Variants in SLC17A1 observed in about 807,000 individuals in gnomAD.
SLC17A1 encodes the protein sodium-dependent phosphate transport protein 1.
SLC17A1 carries 51 observed loss-of-function variants against 53.5 expected under a neutral mutation model. That is an observed-to-expected ratio of 0.95 (90% CI 0.76 to 1.20). The LOEUF (loss-of-function observed/expected upper bound fraction) is 1.20. Ranked by LOEUF, SLC17A1 falls within the 50% of genes most tolerant of loss-of-function variation. SLC17A1 has a pLI of 0.00. For missense variants in SLC17A1, 538 were observed against 568.2 expected, an observed-to-expected ratio of 0.95 and a Z score of 0.54; for synonymous variants, 179 against 198.8, an observed-to-expected ratio of 0.90 and a Z score of 0.84.
chr6:25,761,052 T>C, the SLC17A1 span, among the ~76,000 whole-genome samples: 2 of 152,208 alleles, frequency 1.3e-5, no homozygotes, highest in African/African-American at 2.4e-5. Context: ...TTCTGTGTAA[T>C]CTGTTTTGAG....
intron 10 of SLC17A1, among the ~76,000 whole-genome samples, chr6:25,810,159 A>T (rs935511690): frequency 6.6e-6 from 1 of 152,074 alleles, no homozygotes; most frequent in Admixed American, 6.6e-5. Context: ...CTGTAAAACT[A>T]CTAGAAGAAA....
the SLC17A1 span, chr6:25,731,677 G>A: frequency 5.4e-6 from 4 of 744,052 alleles, no homozygotes; most frequent in Non-Finnish European, 8.1e-6. Flanking sequence ...TGGCAACGAG[G>A]CATACTCTAT....
chr6:25,818,028 G>T (rs1017829483), intron 6 of SLC17A1, among the ~76,000 whole-genome samples: 1 of 152,148 alleles, frequency 6.6e-6, no homozygotes, highest in Non-Finnish European at 1.5e-5. Flanking sequence ...GATGTCTTCT[G>T]TTTGTCCCCC....
At chr6:25,760,129 T>A in the SLC17A1 span, among the ~76,000 whole-genome samples, 1 of 152,254 alleles carries the variant, frequency 6.6e-6, no homozygotes, top group Non-Finnish European at 1.5e-5. Flanking sequence ...TTAAAATGTT[T>A]ATGAAAACTG....
the SLC17A1 span, among the ~76,000 whole-genome samples, chr6:25,756,911 T>G: frequency 9.8e-5 from 15 of 152,338 alleles, no homozygotes; most frequent in East Asian, 2.9e-3. Context: ...TCTTTAGTTC[T>G]TGTGACTGAT....
the SLC17A1 span, among the ~76,000 whole-genome samples, chr6:25,750,364 CAT>C: frequency 6.6e-6 from 1 of 152,004 alleles, no homozygotes; most frequent in Admixed American, 6.5e-5. Flanking sequence ...TAAAACAAGA[CAT>C]AATCTGAAAA....
At chr6:25,742,166 G>A in the SLC17A1 span, among the ~76,000 whole-genome samples, 2 of 152,134 alleles carry the variant, frequency 1.3e-5, no homozygotes, top group Non-Finnish European at 2.9e-5. Flanking sequence ...AGAATCATCC[G>A]GCACAGAGAC....
chr6:25,823,748 T>G lies in SLC17A1; in HGVS notation c.207+2713A>C, dbSNP rs779999738. Reference sequence around the variant, plus strand: ...CCCTGTCACTGGCTTGTTTTTTCATTATCTTAACAGTATTTTAAATTCTGA... The same window carrying G: ...CCCTGTCACTGGCTTGTTTTTTCATGATCTTAACAGTATTTTAAATTCTGA... On this transcript the variant is annotated intron_variant, in intron 3 of 12. Transcript: ENST00000244527. Among the ~76,000 whole-genome samples the G allele has an allele frequency of 7.2e-4, 109 of 152,048 alleles. 1 individual carries two copies. The highest frequency in any genetic ancestry group is 1.1e-3 in the Non-Finnish European group (77 of 67,900).
At chr6:25,770,562 C>A in the SLC17A1 span, 2 of 1,160,684 alleles carry the variant, frequency 1.7e-6, no homozygotes, top group Non-Finnish European at 1.3e-6. Context: ...ATATATCAAT[C>A]TCTGTGTCTT....
chr6:25,760,697 A>T, the SLC17A1 span, among the ~76,000 whole-genome samples: 4 of 152,200 alleles, frequency 2.6e-5, no homozygotes, highest in African/African-American at 9.6e-5. Flanking sequence ...TACAATTTAC[A>T]TAGCTCATTA....
At chr6:25,778,059 T>C, downstream of SLC17A1, 6 of 1,527,480 alleles carry the variant, frequency 3.9e-6, no homozygotes, top group East Asian at 4.5e-5. Flanking sequence ...AAGAAACCTA[T>C]AGAGGCATGG....
chr6:25,756,590 C>T, the SLC17A1 span, among the ~76,000 whole-genome samples: 1 of 152,208 alleles, frequency 6.6e-6, no homozygotes, highest in Non-Finnish European at 1.5e-5. Flanking sequence ...CACTGTCCTC[C>T]CTTCACCCTC....
chr6:25,797,800 A>T (rs1390616242), intron 12 of SLC17A1, among the ~76,000 whole-genome samples: 2 of 152,046 alleles, frequency 1.3e-5, no homozygotes, highest in African/African-American at 4.8e-5. Context: ...GGGTTTCACC[A>T]TCTTGGCCAG....
At chr6:25,735,664 CAA>C in the SLC17A1 span, among the ~76,000 whole-genome samples, 4 of 151,554 alleles carry the variant, frequency 2.6e-5, no homozygotes, top group Admixed American at 6.6e-5. Context: ...AGAGCTAAAA[CAA>C]AAGTTTTCAA....
intron 8 of SLC17A1, 110 bp downstream of exon 8, chr6:25,812,721 G>A: frequency 1.4e-6 from 1 of 733,812 alleles, no homozygotes; most frequent in Non-Finnish European, 2.2e-6. Flanking sequence ...AAGAGCAGTA[G>A]CCAGATAGTG....
chr6:25,826,468 T>C lies in SLC17A1; in HGVS notation c.200A>G (p.Asn67Ser), dbSNP rs768914464. Reference sequence around the variant, plus strand: ...GGAAAATTATTGATGTACCTTTATATTATCCAGGAGCTTCTTTGTGGAGGT... The same window carrying C: ...GGAAAATTATTGATGTACCTTTATACTATCCAGGAGCTTCTTTGTGGAGGT... ...PNTSTKKLLD[N>S]IKNPMYNWSP... is the part of the protein sequence containing the mutation. The change falls in exon 3 of 13, where the codon AAT (asparagine) becomes AGT (serine). Residue 67 changes from asparagine (N) to serine (S), a missense_variant. Physicochemically the swap from Asn to Ser is conservative, Grantham distance 46. Coordinates refer to ENST00000244527, the MANE Select transcript of SLC17A1 (RefSeq NM_005074.5). The C allele has an allele frequency of 6.3e-7, 1 of 1,598,648 alleles. No individual in the cohort carries two copies. Among genetic ancestry groups the C allele is most frequent in the African/African-American group, 1.4e-5 (1 of 74,008 alleles).
At chr6:25,825,859 T>C (rs1454689110) in intron 3 of SLC17A1, among the ~76,000 whole-genome samples, 1 of 152,134 alleles carries the variant, frequency 6.6e-6, no homozygotes, top group Admixed American at 6.5e-5. Flanking sequence ...ATTTCAACTT[T>C]GGGAGTTTCT....
At position 25,819,874 on chromosome 6, in the gene SLC17A1, G is replaced by T; in HGVS notation, c.249C>A (p.Ile83=). Residue 83 remains isoleucine (I), a synonymous_variant, in exon 4 of 13, where the codon ATC becomes ATA. Coordinates refer to ENST00000244527, the MANE Select transcript of SLC17A1 (RefSeq NM_005074.5). ...TGACACCATAGGAGGTGGAACTCAA[G>T]ATGATTCCCTGGATATCTGGGCTCC... is the stretch of plus-strand genomic sequence containing the variant. The part of the protein sequence containing the change: ...YNWSPDIQGI[I]LSSTSYGVII... The T allele has an allele frequency of 6.2e-7, 1 of 1,613,670 alleles. No homozygotes were observed. Among genetic ancestry groups the T allele is most frequent in the Non-Finnish European group, 8.5e-7 (1 of 1,179,768 alleles).
At chr6:25,732,083 GTC>G in the SLC17A1 span, 1 of 1,088,460 alleles carries the variant, frequency 9.2e-7, no homozygotes, top group African/African-American at 1.6e-5. Context: ...TGCGCTTTTT[GTC>G]CTCCTTCGAG....
Sources: gnomAD v4.1 joint callset for allele counts (sites outside exome capture counted in the v4.1 genomes callset) on GRCh38, gnomAD v4.1.1 for gene constraint, MANE v1.5 for transcripts, NCBI Gene and HGNC (gene_info 2026-07-23, HGNC 2026-07-21) for gene names.